Variants in NNMT observed in about 807,000 individuals in gnomAD.
NNMT encodes nicotinamide N-methyltransferase.
A neutral mutation model predicts 11.7 loss-of-function variants in NNMT; 10 were observed. The observed-to-expected ratio is 0.85, with a 90% confidence interval of 0.53 to 1.45. NNMT has a LOEUF of 1.45. NNMT is among the 40% of genes most tolerant of loss of function. The probability of loss-of-function intolerance (pLI) is 0.00; values close to 1 mark genes in which losing one functional copy is unlikely to be tolerated. For missense variants in NNMT, 381 were observed against 319.4 expected, an observed-to-expected ratio of 1.19 and a Z score of -1.47; for synonymous variants, 143 against 133.8, an observed-to-expected ratio of 1.07 and a Z score of -0.48.
At position 114,313,162 on chromosome 11, in the gene NNMT, A is replaced by G. The variant is rs1591842038; in HGVS notation, c.*685A>G. 2 of 152,380 alleles carry G rather than the reference A, an allele frequency of 1.3e-5. No homozygotes were observed. The highest frequency in any genetic ancestry group is 1.3e-4 in the Admixed American group (2 of 15,304). The allele number at this position is 152,380 out of a possible 1,614,324, so 9.4% of individuals were successfully genotyped here. On this transcript the variant is annotated 3_prime_UTR_variant, in exon 3 of 3. Transcript: ENST00000299964. ...TCCTCATCTATAAAATGAGATTAAA[A>G]TAGTCTTTTTATTAAGAGAATTAAA...
chr11:114,293,716 A>C (rs1436639592), upstream of NNMT, among the ~76,000 whole-genome samples: 1 of 151,996 alleles, frequency 6.6e-6, no homozygotes, highest in Non-Finnish European at 1.5e-5. Flanking sequence ...CACTATGGAG[A>C]ACGGTTTGGA....
Position 114,282,507 on chromosome 11 carries a change from C to T in NNMT, c.-129-13921C>T, listed in dbSNP as rs574555719. On this transcript the variant is annotated intron_variant, in intron 2 of 4. Coordinates refer to the NNMT transcript ENST00000535401. ...CCAAAAGCTAGCAAGCATTTTGTGA[C>T]AGAGATTGTCTAACTCCTCCCCAAT... 3.3e-5 allele frequency among the ~76,000 whole-genome samples: 5 copies of T among 152,306 alleles called. No homozygotes were observed. In the South Asian group the frequency reaches 1.0e-3, roughly 32 times the overall value.
At chr11:114,276,457 T>C (rs2135252747) in intron 2 of NNMT, among the ~76,000 whole-genome samples, 1 of 152,346 alleles carries the variant, frequency 6.6e-6, no homozygotes, top group African/African-American at 2.4e-5. Context: ...GCCATCCTGC[T>C]ACCTCATTTG....
intron 2 of NNMT, among the ~76,000 whole-genome samples, chr11:114,286,372 C>T (rs1945299904): frequency 1.3e-5 from 2 of 152,164 alleles, no homozygotes; most frequent in Admixed American, 1.3e-4. Flanking sequence ...ATTTTTGAAG[C>T]ACCCTCTTCC....
chr11:114,281,414 G>A lies in NNMT; in HGVS notation c.-129-15014G>A, dbSNP rs575245761. On this transcript the variant is annotated intron_variant, in intron 2 of 4. Coordinates refer to the NNMT transcript ENST00000535401. ...GAGAGAGAGATGTTCAGAGCACTGG[G>A]GAGTATAGAGGAGGTCCATTAACCT... is the stretch of plus-strand genomic sequence containing the variant. Among the ~76,000 whole-genome samples, 3 of 152,272 alleles carry A rather than the reference G, an allele frequency of 2.0e-5. No homozygotes were observed. The East Asian group carries it at 5.8e-4, about 29-fold the overall frequency.
chr11:114,299,556 C>T (rs1395889079), intron 2 of NNMT, among the ~76,000 whole-genome samples: 1 of 152,074 alleles, frequency 6.6e-6, no homozygotes, highest in Non-Finnish European at 1.5e-5. Flanking sequence ...AGTGATATCC[C>T]CTCTTCTATT....
At chr11:114,285,834 G>A (rs996053340) in intron 2 of NNMT, among the ~76,000 whole-genome samples, 11 of 152,260 alleles carry the variant, frequency 7.2e-5, no homozygotes, top group East Asian at 5.8e-4. Context: ...TTGCTGTGGC[G>A]TACCCAGGGG....
chr11:114,260,764 C>G (rs1408540912), intron 1 of NNMT, among the ~76,000 whole-genome samples: 1 of 152,220 alleles, frequency 6.6e-6, no homozygotes, highest in South Asian at 2.1e-4. Context: ...CACCCAGGCT[C>G]TACTCTGATG....
intron 2 of NNMT, among the ~76,000 whole-genome samples, chr11:114,289,483 A>G (rs1459850191): frequency 6.6e-6 from 1 of 152,064 alleles, no homozygotes; most frequent in East Asian, 1.9e-4. Context: ...ACTAGTATGC[A>G]TATTTGAGGA....
upstream of NNMT, among the ~76,000 whole-genome samples, chr11:114,292,550 G>A (rs61362621): frequency 8.0e-3 from 1,213 of 152,272 alleles, 15 homozygotes; most frequent in African/African-American, 0.028. Flanking sequence ...CCAGCAGACC[G>A]TGTGGGAAGA....
At chr11:114,280,191 A>C (rs1289875820) in intron 2 of NNMT, among the ~76,000 whole-genome samples, 1 of 152,126 alleles carries the variant, frequency 6.6e-6, no homozygotes. Flanking sequence ...TGAGAAAATA[A>C]ACAAATAAAG....
At chr11:114,310,013 T>C (rs1229593631) in intron 2 of NNMT, among the ~76,000 whole-genome samples, 1 of 152,248 alleles carries the variant, frequency 6.6e-6, no homozygotes, top group South Asian at 2.1e-4. Flanking sequence ...TCACATTTTA[T>C]TTACCTATTC....
At chr11:114,260,276 C>T (rs536759122) in intron 1 of NNMT, among the ~76,000 whole-genome samples, 1 of 152,220 alleles carries the variant, frequency 6.6e-6, no homozygotes, top group Admixed American at 6.5e-5. Context: ...TGTCCCCACC[C>T]AGCCAGCTTT....
Position 114,312,930 on chromosome 11 carries a change from C to T in NNMT, c.*453C>T, listed in dbSNP as rs942825473. ...CCAAACCCTGGCCTCTGCCGCTGTT[C>T]AGGCTGCCATGTGGGTATAGCTGTT... On this transcript the variant is annotated 3_prime_UTR_variant, in exon 3 of 3. Coordinates refer to ENST00000299964, the MANE Select transcript of NNMT (RefSeq NM_006169.3). 1 of 161,008 alleles carries T rather than the reference C, an allele frequency of 6.2e-6. No homozygotes were observed. The highest frequency in any genetic ancestry group is 5.8e-5 in the Admixed American group (1 of 17,202). 10.0% of individuals were successfully genotyped at this position (161,008 alleles called of 1,614,324 possible).
chr11:114,300,995 T>C (rs1945432747), intron 2 of NNMT, among the ~76,000 whole-genome samples: 1 of 152,178 alleles, frequency 6.6e-6, no homozygotes, highest in Non-Finnish European at 1.5e-5. Context: ...TTTGGTAGAA[T>C]GCAGCATAGT....
intron 2 of NNMT, among the ~76,000 whole-genome samples, chr11:114,304,329 C>A (rs1232881445): frequency 1.1e-4 from 17 of 152,198 alleles, no homozygotes; most frequent in African/African-American, 3.9e-4. Flanking sequence ...CCCTTACAAT[C>A]TAGCAGGATA....
chr11:114,304,873 AT>A, intron 2 of NNMT, among the ~76,000 whole-genome samples: 1 of 152,184 alleles, frequency 6.6e-6, no homozygotes, highest in East Asian at 1.9e-4. Flanking sequence ...AATAACCCTC[AT>A]TTTTACAACT....
intron 2 of NNMT, among the ~76,000 whole-genome samples, chr11:114,265,935 A>G (rs1282522968): frequency 6.6e-6 from 1 of 152,076 alleles, no homozygotes. Context: ...GGGAAAAGCA[A>G]CACCTTTAAT....
At chr11:114,271,075 C>A (rs1317178137) in intron 2 of NNMT, among the ~76,000 whole-genome samples, 1 of 152,124 alleles carries the variant, frequency 6.6e-6, no homozygotes, top group African/African-American at 2.4e-5. Flanking sequence ...CCATGCTCGG[C>A]TCCGAATGAC....
Sources: gnomAD v4.1 joint callset for allele counts (sites outside exome capture counted in the v4.1 genomes callset) on GRCh38, gnomAD v4.1.1 for gene constraint, MANE v1.5 for transcripts, NCBI Gene and HGNC (gene_info 2026-07-23, HGNC 2026-07-21) for gene names.